Variants in UBE2E3 observed in about 807,000 individuals in gnomAD.
The protein encoded by UBE2E3 is ubiquitin conjugating enzyme E2 E3, also known as ubiquitin-conjugating enzyme E2 E3.
In UBE2E3, 5 loss-of-function variants were observed where a neutral mutation model predicts 23.6. That is an observed-to-expected ratio of 0.21 (90% CI 0.11 to 0.44). UBE2E3 has a LOEUF of 0.44. Among genes scored for constraint, UBE2E3 ranks in the 20% least tolerant of loss-of-function variants. The pLI, the probability that UBE2E3 is intolerant of heterozygous loss-of-function variation, is 0.99. For synonymous variants in UBE2E3, 78 were observed against 87.5 expected (o/e 0.89, Z 0.60); for missense variants, 81 against 249.8 (o/e 0.32, Z 4.55).
At chr2:181,002,057 A>G (rs1685006759) in intron 3 of UBE2E3, among the ~76,000 whole-genome samples, 2 of 152,212 alleles carry the variant, frequency 1.3e-5, no homozygotes, top group Non-Finnish European at 2.9e-5. Context: ...ACAGTATCAT[A>G]GAAGCCTAGT....
chr2:181,030,597 A>C (rs1176352305), intron 3 of UBE2E3, among the ~76,000 whole-genome samples: 1 of 151,818 alleles, frequency 6.6e-6, no homozygotes, highest in African/African-American at 2.4e-5. Flanking sequence ...TTATTTTTTT[A>C]TTTTTTATTT....
At chr2:181,046,375 C>T (rs993952386) in intron 3 of UBE2E3, among the ~76,000 whole-genome samples, 18 of 152,248 alleles carry the variant, frequency 1.2e-4, no homozygotes, top group African/African-American at 4.1e-4. Flanking sequence ...GTATATCAAA[C>T]TGCAAAACAT....
At chr2:180,994,636 T>G (rs1157954215) in intron 3 of UBE2E3, among the ~76,000 whole-genome samples, 1 of 152,236 alleles carries the variant, frequency 6.6e-6, no homozygotes, top group Non-Finnish European at 1.5e-5. Flanking sequence ...AGTTGACCTT[T>G]GAACAGCATG....
intron 3 of UBE2E3, among the ~76,000 whole-genome samples, chr2:181,033,142 G>C (rs62180159): frequency 0.23 from 35,343 of 151,976 alleles, 4,480 homozygotes; most frequent in Non-Finnish European, 0.28. Flanking sequence ...CCCCATCAAG[G>C]TACCAACGAC....
At chr2:181,045,961 C>G (rs1326987809) in intron 3 of UBE2E3, among the ~76,000 whole-genome samples, 1 of 151,694 alleles carries the variant, frequency 6.6e-6, no homozygotes, top group Admixed American at 6.6e-5. Flanking sequence ...ATATAAGTGA[C>G]TTTGTATCTA....
At chr2:181,056,543 G>C (rs1316607275) in intron 3 of UBE2E3, among the ~76,000 whole-genome samples, 2 of 151,672 alleles carry the variant, frequency 1.3e-5, no homozygotes, top group African/African-American at 4.8e-5. Flanking sequence ...AGTTCTCTTG[G>C]GAACTAATTC....
chr2:180,985,289 A>G (rs755882658), intron 3 of UBE2E3, among the ~76,000 whole-genome samples: 13 of 152,164 alleles, frequency 8.5e-5, no homozygotes, highest in Admixed American at 3.3e-4. Flanking sequence ...CCGGTAATGT[A>G]GCCACTTGCC....
At position 181,034,091 on chromosome 2, in the gene UBE2E3, A is replaced by G. The variant is rs544128742; in HGVS notation, c.246-23602A>G. 1.4e-4 allele frequency among the ~76,000 whole-genome samples: 21 copies of G among 152,334 alleles called. No individual in the cohort carries two copies. In the South Asian group the frequency reaches 4.3e-3, roughly 32 times the overall value. ...TACACTGTTGGTGGGACTGTAAACTAGTTCAACCATTGTGGAAGACAGTGT... is the reference window on the plus strand; with the variant it reads ...TACACTGTTGGTGGGACTGTAAACTGGTTCAACCATTGTGGAAGACAGTGT... On this transcript the variant is annotated intron_variant, in intron 3 of 5. Coordinates refer to ENST00000410062, the MANE Select transcript of UBE2E3 (RefSeq NM_006357.4).
Position 181,035,673 on chromosome 2 carries a change from T to C in UBE2E3, c.246-22020T>C, listed in dbSNP as rs891929276. Among the ~76,000 whole-genome samples, 54 of 152,132 alleles carry C rather than the reference T, an allele frequency of 3.5e-4. 1 individual carries two copies. The highest frequency in any genetic ancestry group is 1.2e-3 in the African/African-American group (49 of 41,422). On this transcript the variant is annotated intron_variant, in intron 3 of 5. Coordinates refer to ENST00000410062, the MANE Select transcript of UBE2E3 (RefSeq NM_006357.4). ...AAATTCGAAAACTTCCTTGAAACAT[T>C]ATTAGATTTTTTTTGCAATTTTTTT... is the stretch of plus-strand genomic sequence containing the variant.
intron 1 of UBE2E3, 199 bp downstream of exon 1, chr2:180,981,172 C>G (rs1037142365): frequency 6.7e-6 from 1 of 149,282 alleles, no homozygotes; most frequent in African/African-American, 2.4e-5. Context: ...CCCGCGCGGC[C>G]CTCCCCACAA....
chr2:181,029,729 CTTCTT>C (rs544680675), intron 3 of UBE2E3, among the ~76,000 whole-genome samples: 344 of 138,566 alleles, frequency 2.5e-3, no homozygotes, highest in Middle Eastern at 8.4e-3. Context: ...CATAATTGAG[CTTCTT>C]TTCTTGTTCC....
At chr2:181,018,107 C>T (rs1438874387) in intron 3 of UBE2E3, among the ~76,000 whole-genome samples, 3 of 151,922 alleles carry the variant, frequency 2.0e-5, no homozygotes, top group Non-Finnish European at 4.4e-5. Context: ...TTCACTTATG[C>T]CTGTGGGACT....
At chr2:181,031,834 A>G in intron 3 of UBE2E3, among the ~76,000 whole-genome samples, 1 of 152,312 alleles carries the variant, frequency 6.6e-6, no homozygotes, top group Middle Eastern at 3.4e-3. Context: ...TCATTCTAGT[A>G]TAAGACAATG....
intron 3 of UBE2E3, among the ~76,000 whole-genome samples, chr2:181,014,943 A>C (rs775106522): frequency 6.6e-6 from 1 of 152,174 alleles, no homozygotes; most frequent in Non-Finnish European, 1.5e-5. Flanking sequence ...AGTGAAGTCA[A>C]TTTAGAATGG....
chr2:181,039,021 A>G (rs1188761977), intron 3 of UBE2E3, among the ~76,000 whole-genome samples: 3 of 152,100 alleles, frequency 2.0e-5, no homozygotes, highest in Non-Finnish European at 2.9e-5. Context: ...GTTTCTTACT[A>G]TAAACATACA....
At chr2:180,981,120 C>T (rs910085290) in intron 1 of UBE2E3, 147 bp downstream of exon 1, 20 of 146,718 alleles carry the variant, frequency 1.4e-4, no homozygotes, top group Non-Finnish European at 2.3e-4. Context: ...CTGGGCTGCT[C>T]GCATCACTTG....
chr2:181,045,522 C>G (rs1559133723), intron 3 of UBE2E3, among the ~76,000 whole-genome samples: 1 of 152,100 alleles, frequency 6.6e-6, no homozygotes, highest in Non-Finnish European at 1.5e-5. Flanking sequence ...ATCTGCTCTC[C>G]CCGTCTCCAG....
chr2:181,018,171 C>A (rs1225783461), intron 3 of UBE2E3, among the ~76,000 whole-genome samples: 2 of 144,242 alleles, frequency 1.4e-5, no homozygotes, highest in East Asian at 3.9e-4. Flanking sequence ...AATGAATGTT[C>A]TTGAATGTAT....
chr2:181,058,556 A>G (rs1007641329), intron 4 of UBE2E3, among the ~76,000 whole-genome samples: 7 of 151,780 alleles, frequency 4.6e-5, no homozygotes, highest in Admixed American at 2.0e-4. Context: ...GAGCATTATT[A>G]TGCTGTTGTT....
Sources: gnomAD v4.1 joint callset for allele counts (sites outside exome capture counted in the v4.1 genomes callset) on GRCh38, gnomAD v4.1.1 for gene constraint, MANE v1.5 for transcripts, NCBI Gene and HGNC (gene_info 2026-07-23, HGNC 2026-07-21) for gene names.